Variants in ADAP1 observed in about 807,000 individuals in gnomAD.
The protein encoded by ADAP1 is ArfGAP with dual PH domains 1, also known as arf-GAP with dual PH domain-containing protein 1.
A neutral mutation model predicts 54.9 loss-of-function variants in ADAP1; 31 were observed. The ratio of observed to expected loss-of-function variants is 0.56; its 90% confidence interval spans 0.42 to 0.76. The LOEUF is 0.76. ADAP1 is among the 30% of genes least tolerant of loss of function. ADAP1 has a pLI of 0.00. For synonymous variants in ADAP1, 313 were observed against 202.6 expected, an observed-to-expected ratio of 1.55 and a Z score of -4.63; for missense variants, 535 against 512.4, an observed-to-expected ratio of 1.04 and a Z score of -0.42.
At chr7:928,729 T>G (rs1240969032) in intron 2 of ADAP1, among the ~76,000 whole-genome samples, 1 of 152,028 alleles carries the variant, frequency 6.6e-6, no homozygotes, top group East Asian at 1.9e-4. Context: ...GAATGTGGAG[T>G]GATCAGAGCC....
chr7:907,196 T>C (rs953563624), intron 4 of ADAP1, among the ~76,000 whole-genome samples: 1 of 152,126 alleles, frequency 6.6e-6, no homozygotes, highest in African/African-American at 2.4e-5. Context: ...CACAGAAAAG[T>C]AGCCCGGGCA....
intron 1 of ADAP1, among the ~76,000 whole-genome samples, chr7:951,880 C>T (rs921237147): frequency 6.6e-6 from 1 of 152,214 alleles, no homozygotes; most frequent in African/African-American, 2.4e-5. Flanking sequence ...CGACTCACTG[C>T]AGCTTCCAAC....
chr7:910,654 T>C (rs1562919026), intron 4 of ADAP1, among the ~76,000 whole-genome samples: 1 of 152,206 alleles, frequency 6.6e-6, no homozygotes, highest in Non-Finnish European at 1.5e-5. Flanking sequence ...ATGCTAATTG[T>C]CTTGTAAACT....
At chr7:913,089 C>T (rs1335333837) in intron 4 of ADAP1, among the ~76,000 whole-genome samples, 3 of 152,236 alleles carry the variant, frequency 2.0e-5, no homozygotes, top group Admixed American at 1.3e-4. Flanking sequence ...AGCAACCCTC[C>T]CACCTCGGCC....
chr7:940,217 T>C (rs1270193413), intron 1 of ADAP1, among the ~76,000 whole-genome samples: 1 of 151,792 alleles, frequency 6.6e-6, no homozygotes, highest in Non-Finnish European at 1.5e-5. Context: ...CTCACACCTG[T>C]CATCCCAGCA....
intron 4 of ADAP1, 100 bp from the exon 5 acceptor site, chr7:905,272 C>CGGGGGACACGGAT: frequency 3.1e-6 from 1 of 318,420 alleles, no homozygotes; most frequent in Non-Finnish European, 5.2e-6. Flanking sequence ...GGAGAAGACA[C>CGGGGGACACGGAT]GGGGGACACG....
intron 6 of ADAP1, among the ~76,000 whole-genome samples, chr7:902,475 A>AAAATGCCTGGGCGTGGT (rs1491159593): frequency 1.1e-4 from 16 of 142,250 alleles, no homozygotes; most frequent in South Asian, 2.2e-4. Flanking sequence ...AAAAAAAGAA[A>AAAATGCCTGGGCGTGGT]GAAAAGAAAG....
At chr7:930,365 G>A (rs539846111) in intron 2 of ADAP1, among the ~76,000 whole-genome samples, 4 of 85,542 alleles carry the variant, frequency 4.7e-5, no homozygotes, top group Admixed American at 1.1e-4. Context: ...AGGCAAAGGT[G>A]TGAAGAGAGT....
In ADAP1 at chr7:938,205, G is replaced by T. The variant is rs1846838256; in HGVS notation, c.83-2700C>A. On this transcript the variant is annotated intron_variant, in intron 1 of 10. Coordinates refer to ENST00000265846, the MANE Select transcript of ADAP1 (RefSeq NM_006869.4). This position sits in a 1 kb window ranked among gnomAD's most constrained non-coding sequence, Gnocchi z 4.4. Reference sequence around the variant, plus strand: ...TTGTTTTGTTTTGAGACAGGGTCTTGCCCTGTTGCCCAAGGTGGAGTGCAG... The same window carrying T: ...TTGTTTTGTTTTGAGACAGGGTCTTTCCCTGTTGCCCAAGGTGGAGTGCAG... Among the ~76,000 whole-genome samples the T allele has an allele frequency of 6.6e-6, 1 of 152,046 alleles. No homozygotes were observed. The highest frequency in any genetic ancestry group is 1.5e-5 in the Non-Finnish European group (1 of 68,010).
rs1429717769 is a variant in ADAP1, at chr7:905,310, G to GGCGGGGAGAGGGGAC, written c.389-139_389-138insGTCCCCTCTCCCCGC. 2,339 of 333,164 alleles carry GGCGGGGAGAGGGGAC rather than the reference G, an allele frequency of 7.0e-3. 160 individuals carry two copies. The African/African-American group carries it at 0.083, about 12-fold the overall frequency. The allele number at this position is 333,164 out of a possible 1,614,324, so 20.6% of individuals were successfully genotyped here. ...CGGGGGACACGGACAGGGGGAGACGGACGGGGAGAGGGGACATGGAGGAGA... is the reference window on the plus strand; with the variant it reads ...CGGGGGACACGGACAGGGGGAGACGGGCGGGGAGAGGGGACACGGGGAGAGGGGACATGGAGGAGA... On this transcript the variant is annotated intron_variant, in intron 4 of 10. Coordinates refer to ENST00000265846, the MANE Select transcript of ADAP1 (RefSeq NM_006869.4).
At chr7:947,009 T>C (rs1471968561) in intron 1 of ADAP1, among the ~76,000 whole-genome samples, 2 of 152,238 alleles carry the variant, frequency 1.3e-5, no homozygotes, top group Middle Eastern at 3.4e-3. Flanking sequence ...TAATTTTTCA[T>C]ATGAATTGCA....
intron 2 of ADAP1, chr7:927,344 C>G (rs1846425506): frequency 3.4e-6 from 3 of 882,122 alleles, no homozygotes; most frequent in African/African-American, 1.7e-5. Context: ...CTGGCAATGA[C>G]CCTGCCGCCA....
chr7:921,667 C>T (rs189547581), intron 3 of ADAP1, among the ~76,000 whole-genome samples: 7 of 152,306 alleles, frequency 4.6e-5, no homozygotes, highest in African/African-American at 1.2e-4. Context: ...GACTTTAACA[C>T]GTCTTTTCGG....
intron 4 of ADAP1, among the ~76,000 whole-genome samples, chr7:909,973 G>A (rs377297701): frequency 6.6e-5 from 10 of 152,308 alleles, no homozygotes; most frequent in South Asian, 2.1e-4. Flanking sequence ...CTGCTCAGAC[G>A]CCTCTGAGGA....
intron 2 of ADAP1, chr7:927,029 C>T (rs556111906): frequency 8.3e-5 from 105 of 1,257,530 alleles, no homozygotes; most frequent in Middle Eastern, 2.3e-4. Context: ...GCGAGGGCTT[C>T]CTCGTTCACC....
chr7:902,093 G>A (rs1039391207), intron 6 of ADAP1, among the ~76,000 whole-genome samples: 2 of 152,118 alleles, frequency 1.3e-5, no homozygotes, highest in East Asian at 1.9e-4. Flanking sequence ...TGGGCGGGGG[G>A]AATTATCTTT....
chr7:927,335 T>C, intron 2 of ADAP1: 1 of 974,600 alleles, frequency 1.0e-6, no homozygotes, highest in Non-Finnish European at 1.4e-6. Flanking sequence ...GGGTGGACGC[T>C]GGCAATGACC....
chr7:918,160 G>C (rs568561770), intron 4 of ADAP1, among the ~76,000 whole-genome samples: 1 of 152,142 alleles, frequency 6.6e-6, no homozygotes, highest in African/African-American at 2.4e-5. Context: ...ACTGCTGACT[G>C]CAACGGATCC....
At chr7:952,088 C>T (rs1414731673) in intron 1 of ADAP1, among the ~76,000 whole-genome samples, 1 of 151,770 alleles carries the variant, frequency 6.6e-6, no homozygotes, top group Non-Finnish European at 1.5e-5. Flanking sequence ...TGGGTCCAGG[C>T]ACGCCCCAAC....
Sources: gnomAD v4.1 joint callset for allele counts (sites outside exome capture counted in the v4.1 genomes callset) on GRCh38, gnomAD v4.1.1 for gene constraint, Gnocchi (gnomAD v3.1) non-coding constraint, MANE v1.5 for transcripts, NCBI Gene and HGNC (gene_info 2026-07-23, HGNC 2026-07-21) for gene names.